SLC39A12: variants seen among roughly 807,000 people sequenced by gnomAD.
SLC39A12 encodes solute carrier family 39 member 12, also known as zinc transporter ZIP12.
Under a neutral mutation model 71.1 loss-of-function variants are expected in SLC39A12, and 63 were observed. The ratio of observed to expected loss-of-function variants is 0.89; its 90% CI spans 0.72 to 1.09. The LOEUF (loss-of-function observed/expected upper bound fraction) is 1.09. Ranked by LOEUF, SLC39A12 falls within the 50% of genes least tolerant of loss-of-function variation. The probability of loss-of-function intolerance (pLI) is 0.00; values close to 1 mark genes in which losing one functional copy is unlikely to be tolerated. For missense variants in SLC39A12, 892 were observed against 812.6 expected, an observed-to-expected ratio of 1.10 and a Z score of -1.19; for synonymous variants, 351 against 301.3, an observed-to-expected ratio of 1.16 and a Z score of -1.71.
chr10:17,954,776 C>T (rs531246885), intron 2 of SLC39A12, among the ~76,000 whole-genome samples: 25 of 151,952 alleles, frequency 1.6e-4, no homozygotes, highest in African/African-American at 6.0e-4. Flanking sequence ...AGCTAACAAC[C>T]GTCTCCAAAA....
chr10:18,025,989 C>T (rs1030219926), intron 12 of SLC39A12, among the ~76,000 whole-genome samples: 10 of 152,134 alleles, frequency 6.6e-5, no homozygotes, highest in African/African-American at 2.4e-4. Flanking sequence ...CTAATTCTTC[C>T]CTCCTGTCTC....
chr10:18,032,171 T>A (rs981537725), intron 12 of SLC39A12, among the ~76,000 whole-genome samples: 6 of 127,080 alleles, frequency 4.7e-5, no homozygotes, highest in African/African-American at 1.4e-4. Flanking sequence ...AGTAGTTTTT[T>A]CCAATTCTGT....
chr10:17,972,558 G>T (rs1027529106), intron 4 of SLC39A12, among the ~76,000 whole-genome samples: 3 of 152,088 alleles, frequency 2.0e-5, no homozygotes, highest in Non-Finnish European at 2.9e-5. Context: ...AAGTCCTCTT[G>T]CTGGATTGAC....
intron 12 of SLC39A12, among the ~76,000 whole-genome samples, chr10:18,013,702 C>G (rs1836298415): frequency 6.6e-6 from 1 of 152,122 alleles, no homozygotes. Flanking sequence ...CCAGTTTCCC[C>G]AGCACCATCT....
chr10:18,024,947 A>G (rs1481859267), intron 12 of SLC39A12, among the ~76,000 whole-genome samples: 1 of 151,906 alleles, frequency 6.6e-6, no homozygotes, highest in Admixed American at 6.5e-5. Flanking sequence ...CCTTTCTCCA[A>G]CCCTTTACTT....
chr10:18,011,987 G>A (rs1836239792), intron 12 of SLC39A12, among the ~76,000 whole-genome samples: 1 of 152,168 alleles, frequency 6.6e-6, no homozygotes, highest in Admixed American at 6.5e-5. Context: ...GTTGAGAGCT[G>A]TGGTCTTTGC....
chr10:17,967,834 C>T (rs773110343), intron 4 of SLC39A12, among the ~76,000 whole-genome samples: 593 of 150,000 alleles, frequency 4.0e-3, no homozygotes, highest in Non-Finnish European at 5.5e-3. Context: ...TGGCAGTGAG[C>T]TGAGTTCCCG....
intron 12 of SLC39A12, among the ~76,000 whole-genome samples, chr10:18,016,406 CT>C (rs1836384368): frequency 6.6e-6 from 1 of 152,142 alleles, no homozygotes; most frequent in African/African-American, 2.4e-5. Flanking sequence ...TAATATTTCA[CT>C]GTCTGGATGC....
At chr10:18,026,320 G>C (rs1179125840) in intron 12 of SLC39A12, among the ~76,000 whole-genome samples, 1 of 151,918 alleles carries the variant, frequency 6.6e-6, no homozygotes, top group Non-Finnish European at 1.5e-5. Context: ...TAATTTAGTA[G>C]GGTGCAGGAT....
At chr10:18,040,009 A>G (rs559796412) in intron 12 of SLC39A12, among the ~76,000 whole-genome samples, 1 of 152,338 alleles carries the variant, frequency 6.6e-6, no homozygotes, top group South Asian at 2.1e-4. Context: ...TCATAAATCC[A>G]TTGTTAACTA....
intron 7 of SLC39A12, among the ~76,000 whole-genome samples, chr10:17,988,581 A>G (rs980302959): frequency 4.6e-5 from 7 of 152,202 alleles, no homozygotes; most frequent in Non-Finnish European, 2.9e-5. Flanking sequence ...CAACACAAAA[A>G]TGGCCTAATT....
chr10:18,039,254 C>T (rs564891115), intron 12 of SLC39A12, among the ~76,000 whole-genome samples: 1 of 152,074 alleles, frequency 6.6e-6, no homozygotes. Context: ...TACACAAGAT[C>T]TTATTCCATA....
Position 17,961,752 on chromosome 10 carries a change from C to A in SLC39A12, c.433C>A (p.His145Asn). Reference protein sequence around the residue: ...MSNKEYKFYLHSLLSLRQDED... With the variant: ...MSNKEYKFYLNSLLSLRQDED... Reference sequence around the variant, plus strand: ...TAATAAAGAGTATAAATTTTACCTACACAGCCTACTGAGCCTCAGGCAGGA... The same window carrying A: ...TAATAAAGAGTATAAATTTTACCTAAACAGCCTACTGAGCCTCAGGCAGGA... Residue 145 changes from histidine to asparagine, a missense_variant, in exon 3 of 13, where the codon CAC becomes AAC. Physicochemically the swap from His to Asn is moderately conservative, Grantham distance 68 (BLOSUM62 1). Coordinates refer to ENST00000377369, the MANE Select transcript of SLC39A12 (RefSeq NM_001145195.2). 1 of 1,614,024 alleles carries A rather than the reference C, an allele frequency of 6.2e-7. No homozygotes were observed. The highest frequency in any genetic ancestry group is 8.5e-7 in the Non-Finnish European group (1 of 1,179,934).
intron 4 of SLC39A12, among the ~76,000 whole-genome samples, chr10:17,967,411 A>T (rs74327818): frequency 0.014 from 2,059 of 152,210 alleles, 40 homozygotes; most frequent in African/African-American, 0.043. Flanking sequence ...ATCTTCTAAC[A>T]CTCATTTCTT....
intron 12 of SLC39A12, among the ~76,000 whole-genome samples, chr10:18,030,490 C>T (rs1836810907): frequency 2.0e-5 from 3 of 151,902 alleles, no homozygotes; most frequent in South Asian, 2.1e-4. Flanking sequence ...CCGCCTGCCT[C>T]GGCCTCCCAA....
At chr10:18,042,556 G>A (rs1225168004) in intron 12 of SLC39A12, 149 bp from the exon 13 acceptor site, 1 of 617,228 alleles carries the variant, frequency 1.6e-6, no homozygotes, top group Non-Finnish European at 2.5e-6. Flanking sequence ...CAAAGACATG[G>A]TAGAGTAGGT....
intron 6 of SLC39A12, among the ~76,000 whole-genome samples, chr10:17,984,313 T>C (rs1835347591): frequency 6.6e-6 from 1 of 152,242 alleles, no homozygotes; most frequent in Non-Finnish European, 1.5e-5. Context: ...TCTGAAGTTA[T>C]GAAACATTCA....
intron 9 of SLC39A12, among the ~76,000 whole-genome samples, chr10:17,993,978 TGAGGAGGCTA>T (rs1463515457): frequency 1.3e-5 from 2 of 152,134 alleles, no homozygotes; most frequent in Non-Finnish European, 2.9e-5. Context: ...TCAGTAGAAA[TGAGGAGGCTA>T]TTCCTGAGAC....
chr10:18,037,173 T>C (rs979387993), intron 12 of SLC39A12, among the ~76,000 whole-genome samples: 3 of 152,154 alleles, frequency 2.0e-5, no homozygotes, highest in Non-Finnish European at 4.4e-5. Context: ...TGGTATCTTT[T>C]GCCTGATTTT....
Sources: gnomAD v4.1 joint callset for allele counts (sites outside exome capture counted in the v4.1 genomes callset) on GRCh38, gnomAD v4.1.1 for gene constraint, MANE v1.5 for transcripts, NCBI Gene and HGNC (gene_info 2026-07-23, HGNC 2026-07-21) for gene names.